Variants in UST observed in about 807,000 individuals in gnomAD.
UST encodes the protein uronyl 2-sulfotransferase.
Under a neutral mutation model 45.6 loss-of-function variants are expected in UST, and 21 were observed. The observed-to-expected ratio is 0.46, with a 90% confidence interval of 0.33 to 0.66. UST has a LOEUF of 0.66. UST is among the 30% of genes least tolerant of loss of function. UST has a pLI of 0.02. For missense variants in UST, 463 were observed against 512.4 expected, an observed-to-expected ratio of 0.90 and a Z score of 0.93; for synonymous variants, 215 against 200.6, an observed-to-expected ratio of 1.07 and a Z score of -0.61.
At chr6:148,859,029 T>G (rs367751465) in intron 1 of UST, among the ~76,000 whole-genome samples, 1,937 of 145,514 alleles carry the variant, frequency 0.013, 25 homozygotes, top group Admixed American at 0.025. Flanking sequence ...TGGGATGGCT[T>G]GGTCAAATGG....
At chr6:149,029,866 T>TTGTGTGTGTGTG (rs3074362) in intron 7 of UST, among the ~76,000 whole-genome samples, 1 of 140,706 alleles carries the variant, frequency 7.1e-6, no homozygotes, top group Non-Finnish European at 1.5e-5. Context: ...GCACTGGATC[T>TTGTGTGTGTGTG]TGTGTGTGTG....
At chr6:148,796,013 A>G (rs184955484) in intron 1 of UST, among the ~76,000 whole-genome samples, 179 of 152,298 alleles carry the variant, frequency 1.2e-3, no homozygotes, top group African/African-American at 4.1e-3. Flanking sequence ...TGGTTTAATC[A>G]CTGAACAAAC....
chr6:149,049,001 A>T (rs1232512547), intron 7 of UST, among the ~76,000 whole-genome samples: 1 of 152,220 alleles, frequency 6.6e-6, no homozygotes, highest in Admixed American at 6.5e-5. Flanking sequence ...ATAGCTGCAG[A>T]ACTGATAGAA....
chr6:148,920,299 T>C (rs80222251), intron 2 of UST, among the ~76,000 whole-genome samples: 4,075 of 152,006 alleles, frequency 0.027, 196 homozygotes, highest in African/African-American at 0.094. Flanking sequence ...GAGGACACAT[T>C]GTGAGCCTCT....
At chr6:148,899,351 G>T (rs1334509180) in intron 2 of UST, among the ~76,000 whole-genome samples, 1 of 151,942 alleles carries the variant, frequency 6.6e-6, no homozygotes, top group Admixed American at 6.6e-5. Context: ...TGCCCGCCTC[G>T]GCCTCCCAAA....
intron 4 of UST, among the ~76,000 whole-genome samples, chr6:148,958,697 T>G (rs1780579313): frequency 6.6e-6 from 1 of 152,188 alleles, no homozygotes. Flanking sequence ...TGCAACAGAC[T>G]ACAATTCAAA....
chr6:149,052,912 GT>G (rs1410706008), intron 7 of UST, among the ~76,000 whole-genome samples: 5 of 152,144 alleles, frequency 3.3e-5, no homozygotes, highest in African/African-American at 1.2e-4. Flanking sequence ...AGCAACTTTG[GT>G]TTTCATAAGG....
intron 1 of UST, among the ~76,000 whole-genome samples, chr6:148,843,398 A>G (rs1235652864): frequency 6.6e-6 from 1 of 152,258 alleles, no homozygotes; most frequent in Non-Finnish European, 1.5e-5. Context: ...AACGGCAGTG[A>G]TCCAATCAAT....
chr6:148,992,693 A>G (rs1272839345), intron 5 of UST, among the ~76,000 whole-genome samples: 1 of 152,146 alleles, frequency 6.6e-6, no homozygotes, highest in Admixed American at 6.5e-5. Flanking sequence ...AGAATTTTAA[A>G]AATCTCAGTA....
chr6:148,788,535 A>T (rs1324863566), intron 1 of UST, among the ~76,000 whole-genome samples: 2 of 152,218 alleles, frequency 1.3e-5, no homozygotes, highest in African/African-American at 2.4e-5. Flanking sequence ...TTCTGCTTAC[A>T]TTCATAAACT....
intron 6 of UST, among the ~76,000 whole-genome samples, chr6:149,020,716 C>T (rs1242410217): frequency 6.6e-6 from 1 of 152,172 alleles, no homozygotes; most frequent in Non-Finnish European, 1.5e-5. Context: ...TTTTCTCACT[C>T]GCCTTAGTGT....
chr6:148,998,705 G>C (rs1035898135), intron 5 of UST, among the ~76,000 whole-genome samples: 1 of 152,214 alleles, frequency 6.6e-6, no homozygotes, highest in African/African-American at 2.4e-5. Flanking sequence ...CTTATTTTAA[G>C]AGTTTCATCA....
At chr6:148,997,829 A>C (rs948865917) in intron 5 of UST, among the ~76,000 whole-genome samples, 2 of 152,222 alleles carry the variant, frequency 1.3e-5, no homozygotes, top group African/African-American at 4.8e-5. Flanking sequence ...GTTAATTTAA[A>C]ATAATTATTT....
chr6:148,857,095 G>A (rs918296933), intron 1 of UST, among the ~76,000 whole-genome samples: 5 of 151,678 alleles, frequency 3.3e-5, no homozygotes, highest in African/African-American at 1.2e-4. Context: ...AATTTTTTGG[G>A]CTTTTCATCA....
chr6:148,995,712 A>C (rs187397290), intron 5 of UST, among the ~76,000 whole-genome samples: 1 of 152,380 alleles, frequency 6.6e-6, no homozygotes, highest in Non-Finnish European at 1.5e-5. Flanking sequence ...GAGATCTCAC[A>C]CAAAGATCCA....
chr6:149,024,064 G>A (rs1192668141), intron 7 of UST, among the ~76,000 whole-genome samples: 2 of 152,234 alleles, frequency 1.3e-5, no homozygotes, highest in Non-Finnish European at 2.9e-5. Flanking sequence ...TGTGTAGTGG[G>A]ATGAAAGGTT....
chr6:149,043,013 TTCTTTCTTTTTC>T (rs1365693484), intron 7 of UST, among the ~76,000 whole-genome samples: 907 of 83,776 alleles, frequency 0.011, 9 homozygotes, highest in African/African-American at 0.043. Flanking sequence ...CTTTCTTTCT[TTCTTTCTTTTTC>T]TTTCTTTCTT....
At chr6:149,046,432 C>T (rs1776396748) in intron 7 of UST, among the ~76,000 whole-genome samples, 1 of 152,216 alleles carries the variant, frequency 6.6e-6, no homozygotes, top group South Asian at 2.1e-4. Context: ...AAAAGCTGCT[C>T]TTTAACAAGA....
chr6:149,015,687 C>T (rs189241230), intron 5 of UST, among the ~76,000 whole-genome samples: 224 of 152,122 alleles, frequency 1.5e-3, no homozygotes, highest in African/African-American at 2.2e-3. Context: ...AATGAAGTTG[C>T]GTAATCATTT....
Sources: gnomAD v4.1 joint callset for allele counts (sites outside exome capture counted in the v4.1 genomes callset) on GRCh38, gnomAD v4.1.1 for gene constraint, MANE v1.5 for transcripts, NCBI Gene and HGNC (gene_info 2026-07-23, HGNC 2026-07-21) for gene names.